The following HMBOX1 variants were observed in gnomAD, a reference collection of about 807,000 sequenced individuals.
HMBOX1 encodes the protein homeobox containing 1, also known as homeobox-containing protein 1.
Under a neutral mutation model 54.5 loss-of-function variants are expected in HMBOX1, and 14 were observed. The ratio of observed to expected loss-of-function variants is 0.26; its 90% CI spans 0.17 to 0.40. The LOEUF (loss-of-function observed/expected upper bound fraction) is 0.40, where lower values mean the gene tolerates loss of function less well. HMBOX1 is among the 10% of genes least tolerant of loss of function. The pLI is 1.00. For synonymous variants in HMBOX1, 160 were observed against 181.0 expected, an observed-to-expected ratio of 0.88 and a Z score of 0.93; for missense variants, 332 against 514.4, an observed-to-expected ratio of 0.65 and a Z score of 3.43.
intron 4 of HMBOX1, among the ~76,000 whole-genome samples, chr8:29,006,266 T>A (rs557375275): frequency 6.6e-6 from 1 of 152,272 alleles, no homozygotes; most frequent in African/African-American, 2.4e-5. Flanking sequence ...GTGCCGGGAT[T>A]ACAGGTGTGA....
intron 1 of HMBOX1, among the ~76,000 whole-genome samples, chr8:28,933,843 A>G (rs972655624): frequency 6.6e-6 from 1 of 152,216 alleles, no homozygotes; most frequent in Non-Finnish European, 1.5e-5. Flanking sequence ...TTTCGTGCAA[A>G]GAAAACTGCA....
intron 1 of HMBOX1, among the ~76,000 whole-genome samples, chr8:28,918,021 G>A (rs1030709277): frequency 6.6e-6 from 1 of 152,022 alleles, no homozygotes; most frequent in African/African-American, 2.4e-5. Context: ...AATGATTTGG[G>A]AAATTCTTTC....
intron 4 of HMBOX1, among the ~76,000 whole-genome samples, chr8:28,992,932 T>C (rs1831218281): frequency 6.6e-6 from 1 of 150,856 alleles, no homozygotes; most frequent in Non-Finnish European, 1.5e-5. Flanking sequence ...CCTTTCTGTG[T>C]TCCTCAGCCA....
intron 1 of HMBOX1, among the ~76,000 whole-genome samples, chr8:28,898,645 C>T (rs1812625166): frequency 6.6e-6 from 1 of 152,214 alleles, no homozygotes; most frequent in Non-Finnish European, 1.5e-5. Flanking sequence ...TTTCTCACTT[C>T]TCCCTTCCAG....
chr8:29,014,574 A>G (rs557145615), intron 5 of HMBOX1, among the ~76,000 whole-genome samples: 42 of 152,258 alleles, frequency 2.8e-4, no homozygotes, highest in Non-Finnish European at 5.9e-4. Context: ...AAAAGGAGCC[A>G]GAAAAAAATC....
chr8:28,989,417 C>G (rs1183878166), intron 4 of HMBOX1, among the ~76,000 whole-genome samples: 1 of 152,050 alleles, frequency 6.6e-6, no homozygotes, highest in Non-Finnish European at 1.5e-5. Flanking sequence ...AGGGTTGAGG[C>G]ATTTTTTTTT....
At chr8:29,010,241 G>T (rs903880292) in intron 5 of HMBOX1, 1 of 630,260 alleles carries the variant, frequency 1.6e-6, no homozygotes, top group African/African-American at 2.0e-5. Flanking sequence ...GTAGACACCT[G>T]TTTACTCTTT....
chr8:29,034,718 A>G (rs1256190421), intron 6 of HMBOX1, among the ~76,000 whole-genome samples: 1 of 152,160 alleles, frequency 6.6e-6, no homozygotes, highest in Admixed American at 6.5e-5. Context: ...ATAGCCAGGC[A>G]TGGTGGTGCA....
At chr8:29,014,845 A>G (rs1326757666) in intron 5 of HMBOX1, among the ~76,000 whole-genome samples, 1 of 151,910 alleles carries the variant, frequency 6.6e-6, no homozygotes, top group East Asian at 1.9e-4. Context: ...ACACCCAGCA[A>G]ATTTTTGTAT....
At chr8:28,937,162 T>C (rs1820555516) in intron 1 of HMBOX1, among the ~76,000 whole-genome samples, 1 of 152,204 alleles carries the variant, frequency 6.6e-6, no homozygotes, top group Non-Finnish European at 1.5e-5. Context: ...AAACTGGTTC[T>C]AGTGGTTTTG....
intron 5 of HMBOX1, among the ~76,000 whole-genome samples, chr8:29,016,232 T>C (rs145214574): frequency 4.0e-4 from 61 of 152,304 alleles, no homozygotes; most frequent in African/African-American, 1.4e-3. Context: ...TCTGTATGAC[T>C]AGCAATTGCT....
intron 5 of HMBOX1, chr8:29,009,683 G>A: frequency 7.8e-7 from 1 of 1,285,502 alleles, no homozygotes; most frequent in Non-Finnish European, 1.0e-6. Context: ...TTGGACTTTA[G>A]GATGCAGCTG....
intron 1 of HMBOX1, among the ~76,000 whole-genome samples, chr8:28,896,943 T>C (rs1812235638): frequency 6.6e-6 from 1 of 152,116 alleles, no homozygotes; most frequent in Admixed American, 6.5e-5. Flanking sequence ...CATACCAATT[T>C]TTTTTTTTGT....
intron 1 of HMBOX1, among the ~76,000 whole-genome samples, chr8:28,897,914 A>G (rs901947933): frequency 6.6e-6 from 1 of 152,224 alleles, no homozygotes. Context: ...AAGTTAGTTC[A>G]AAGATATTTT....
intron 9 of HMBOX1, chr8:29,049,507 C>T (rs958277963): frequency 7.0e-7 from 1 of 1,426,728 alleles, no homozygotes; most frequent in Non-Finnish European, 9.2e-7. Context: ...CCCACTCACT[C>T]TGGCCCCACT....
At chr8:28,983,786 G>A (rs1829772900) in intron 4 of HMBOX1, among the ~76,000 whole-genome samples, 1 of 152,204 alleles carries the variant, frequency 6.6e-6, no homozygotes, top group African/African-American at 2.4e-5. Context: ...CTCAACAAAT[G>A]CTGTGTGAAT....
intron 1 of HMBOX1, among the ~76,000 whole-genome samples, chr8:28,937,656 C>G (rs966006390): frequency 2.0e-5 from 3 of 152,014 alleles, no homozygotes; most frequent in African/African-American, 7.2e-5. Flanking sequence ...ATCTCAAAGG[C>G]AAGACTATTA....
chr8:29,046,634 A>C (rs547990598), intron 7 of HMBOX1, among the ~76,000 whole-genome samples: 1 of 152,242 alleles, frequency 6.6e-6, no homozygotes, highest in African/African-American at 2.4e-5. Flanking sequence ...ATTAGTTAAC[A>C]TAAGGCCTTA....
At position 29,036,743 on chromosome 8, in the gene HMBOX1, G is replaced by C. The variant is rs544758442; in HGVS notation, c.852-8618G>C. Among the ~76,000 whole-genome samples, 5 of 152,334 alleles carry C rather than the reference G, an allele frequency of 3.3e-5. No individual in the cohort carries two copies. The East Asian group carries it at 5.8e-4, about 18-fold the overall frequency. ...TCCGAAACAATACCATGTCTTAGCTGAGTAGTGGCTGTTCCTGAGCCAGTG... is the reference window on the plus strand; with the variant it reads ...TCCGAAACAATACCATGTCTTAGCTCAGTAGTGGCTGTTCCTGAGCCAGTG... On this transcript the variant is annotated intron_variant, in intron 6 of 9. Transcript: ENST00000287701.
Sources: gnomAD v4.1 joint callset for allele counts (sites outside exome capture counted in the v4.1 genomes callset) on GRCh38, gnomAD v4.1.1 for gene constraint, MANE v1.5 for transcripts, NCBI Gene and HGNC (gene_info 2026-07-23, HGNC 2026-07-21) for gene names.